TSPAN13: variants seen among roughly 807,000 people sequenced by gnomAD.
The protein encoded by TSPAN13 is tetraspanin-13.
TSPAN13 carries 18 observed loss-of-function variants against 26.9 expected under a neutral mutation model. That is an observed-to-expected ratio of 0.67 (90% CI 0.46 to 0.99). The LOEUF is 0.99. Ranked by LOEUF, TSPAN13 falls within the 50% of genes least tolerant of loss-of-function variation. The pLI is 0.00. For missense variants in TSPAN13, 201 were observed against 249.6 expected (o/e 0.81, Z 1.31); for synonymous variants, 116 against 98.4 (o/e 1.18, Z -1.06).
chr7:16,772,564 G>A lies in TSPAN13; in HGVS notation c.64-3647G>A, dbSNP rs898703481. Among the ~76,000 whole-genome samples the A allele has an allele frequency of 7.9e-5, 12 of 151,984 alleles. 1 individual carries two copies. Among genetic ancestry groups the A allele is most frequent in the Admixed American group, 7.2e-4 (11 of 15,262 alleles). On this transcript the variant is annotated intron_variant, in intron 1 of 5. Transcript: ENST00000262067. ...TTTTTTTTATGTCACTTTCTACATT[G>A]TGTGTGTCTCTCTCTAATTTCCCTG... is the stretch of plus-strand genomic sequence containing the variant.
chr7:16,780,164 A>G (rs768409857), intron 5 of TSPAN13, among the ~76,000 whole-genome samples: 18 of 151,746 alleles, frequency 1.2e-4, no homozygotes, highest in East Asian at 7.8e-4. Flanking sequence ...TAGTGGTGCA[A>G]TCTCGGCTTA....
intron 1 of TSPAN13, among the ~76,000 whole-genome samples, chr7:16,758,867 G>C (rs1437269063): frequency 6.6e-6 from 1 of 151,818 alleles, no homozygotes; most frequent in African/African-American, 2.4e-5. Context: ...AACTGTTTGG[G>C]GTTATTTGTG....
intron 3 of TSPAN13, among the ~76,000 whole-genome samples, 165 bp from the exon 4 acceptor site, chr7:16,777,633 G>A (rs930151572): frequency 2.0e-5 from 3 of 152,160 alleles, no homozygotes; most frequent in East Asian, 1.9e-4. Flanking sequence ...GATAGAAATA[G>A]TGCCTTAATT....
chr7:16,775,939 G>T (rs1784737836), intron 1 of TSPAN13: 1 of 329,882 alleles, frequency 3.0e-6, no homozygotes, highest in Admixed American at 4.5e-5. Flanking sequence ...TTAGTAAACA[G>T]ATGACTTCTG....
At chr7:16,765,017 C>G (rs1053254971) in intron 1 of TSPAN13, among the ~76,000 whole-genome samples, 14 of 152,056 alleles carry the variant, frequency 9.2e-5, no homozygotes, top group African/African-American at 3.1e-4. Context: ...CCTCGGCCTC[C>G]CAAAGTGCTA....
chr7:16,761,995 C>T (rs1467144895), intron 1 of TSPAN13, among the ~76,000 whole-genome samples: 2 of 152,066 alleles, frequency 1.3e-5, no homozygotes, highest in African/African-American at 4.8e-5. Flanking sequence ...TTTACAACAT[C>T]TAATCTGTCT....
chr7:16,776,418 A>C (rs775937340), intron 2 of TSPAN13, 40 bp downstream of exon 2: 3 of 1,578,916 alleles, frequency 1.9e-6, no homozygotes, highest in East Asian at 2.2e-5. Flanking sequence ...CTTGATGACT[A>C]TTTTGATGGT....
Position 16,776,077 on chromosome 7 carries a change from TA to T in TSPAN13, c.64-132del, listed in dbSNP as rs1373986878. 15 of 718,274 alleles carry T rather than the reference TA, an allele frequency of 2.1e-5. 1 individual carries two copies. In the East Asian group the frequency reaches 4.2e-4, roughly 20 times the overall value. The allele number at this position is 718,274 out of a possible 1,614,324, so 44.5% of individuals were successfully genotyped here. On this transcript the variant is annotated intron_variant, in intron 1 of 5. Transcript: ENST00000262067. ...TGAGATCTTGTGTGTATTCTTGTAT[TA>T]AGTTTTAGTGCTTATTTGTAAGAGA...
intron 5 of TSPAN13, among the ~76,000 whole-genome samples, chr7:16,780,479 G>A (rs1162683575): frequency 1.3e-5 from 2 of 152,154 alleles, no homozygotes; most frequent in East Asian, 3.8e-4. Context: ...TCTCAGAAAA[G>A]AGCTATCTGA....
chr7:16,778,586 G>C (rs1231890824), intron 4 of TSPAN13, among the ~76,000 whole-genome samples: 1 of 152,022 alleles, frequency 6.6e-6, no homozygotes, highest in Admixed American at 6.5e-5. Flanking sequence ...CTGTTTTTTT[G>C]CTGCCTGTTG....
chr7:16,754,458 C>T (rs995966612), intron 1 of TSPAN13, among the ~76,000 whole-genome samples: 5 of 152,196 alleles, frequency 3.3e-5, no homozygotes, highest in African/African-American at 9.7e-5. Flanking sequence ...AATGGCGTGG[C>T]CTGAAACTGA....
chr7:16,779,779 T>G (rs1182688633), intron 5 of TSPAN13, among the ~76,000 whole-genome samples: 1 of 150,940 alleles, frequency 6.6e-6, no homozygotes, highest in African/African-American at 2.4e-5. Context: ...TAATATTCTT[T>G]TTTTTTTTTT....
intron 5 of TSPAN13, among the ~76,000 whole-genome samples, chr7:16,780,194 G>A (rs923308096): frequency 6.6e-6 from 1 of 151,848 alleles, no homozygotes; most frequent in Non-Finnish European, 1.5e-5. Context: ...CCACCTCTTG[G>A]GTTCAAGCGA....
At chr7:16,773,283 T>A (rs1257859636) in intron 1 of TSPAN13, among the ~76,000 whole-genome samples, 4 of 151,776 alleles carry the variant, frequency 2.6e-5, no homozygotes, top group Non-Finnish European at 5.9e-5. Context: ...ATCCATCTCA[T>A]TGACTATTTT....
chr7:16,766,636 T>C (rs1267417893), intron 1 of TSPAN13, among the ~76,000 whole-genome samples: 2 of 152,228 alleles, frequency 1.3e-5, no homozygotes, highest in East Asian at 3.8e-4. Context: ...GAATGTGGAC[T>C]GCTCTTGAAT....
At chr7:16,756,812 A>T (rs941219716) in intron 1 of TSPAN13, among the ~76,000 whole-genome samples, 1 of 152,194 alleles carries the variant, frequency 6.6e-6, no homozygotes, top group African/African-American at 2.4e-5. Flanking sequence ...GCATTTAAAG[A>T]AACTTTCAGT....
At chr7:16,771,061 A>G (rs1446664187) in intron 1 of TSPAN13, among the ~76,000 whole-genome samples, 1 of 152,192 alleles carries the variant, frequency 6.6e-6, no homozygotes, top group Non-Finnish European at 1.5e-5. Context: ...TAGCTCTGCT[A>G]TGAAACCTAA....
chr7:16,756,469 G>A (rs1029445597), intron 1 of TSPAN13, among the ~76,000 whole-genome samples: 2 of 152,158 alleles, frequency 1.3e-5, no homozygotes, highest in Non-Finnish European at 2.9e-5. Context: ...AGGAACTTAG[G>A]ACTGTATCAG....
intron 1 of TSPAN13, chr7:16,775,934 AAACAGATGACTTCT>A (rs1784737779): frequency 9.4e-6 from 3 of 320,048 alleles, no homozygotes; most frequent in Non-Finnish European, 1.7e-5. Flanking sequence ...GGCTCTTAGT[AAACAGATGACTTCT>A]GAGGCTCTGT....
Sources: allele counts gnomAD v4.1 joint callset (sites outside exome capture counted in the v4.1 genomes callset), GRCh38; gene constraint gnomAD v4.1.1; transcripts MANE v1.5; gene names NCBI Gene and HGNC (gene_info 2026-07-23, HGNC 2026-07-21).